MTHFD1L: variants seen among roughly 807,000 people sequenced by gnomAD.
MTHFD1L encodes the protein methylenetetrahydrofolate dehydrogenase (NADP+ dependent) 1 like, also known as monofunctional C1-tetrahydrofolate synthase, mitochondrial.
In MTHFD1L, 81 loss-of-function variants were observed where a neutral mutation model predicts 119.5. The ratio of observed to expected loss-of-function variants is 0.68; its 90% CI spans 0.57 to 0.82. The LOEUF (loss-of-function observed/expected upper bound fraction) is 0.82, where lower values mean the gene tolerates loss of function less well. Ranked by LOEUF, MTHFD1L falls within the 40% of genes least tolerant of loss-of-function variation. The pLI is 0.00. For synonymous variants in MTHFD1L, 430 were observed against 475.2 expected, an observed-to-expected ratio of 0.90 and a Z score of 1.24; for missense variants, 1,125 against 1,253.4, an observed-to-expected ratio of 0.90 and a Z score of 1.55.
At position 150,903,208 on chromosome 6, in the gene MTHFD1L, T is replaced by C. The variant is rs1428039678; in HGVS notation, c.781-2442T>C. Among the ~76,000 whole-genome samples, 114 of 104,236 alleles carry C rather than the reference T, an allele frequency of 1.1e-3. 9 individuals carry two copies. Among genetic ancestry groups the C allele is most frequent in the East Asian group, 4.0e-3 (16 of 4,016 alleles). The allele number at this position is 104,236 out of a possible 152,430, so 68.4% of individuals were successfully genotyped here. ...CTGGTGATATTGGCTGCAAAATTTT[T>C]TTTTTTTTTTTTTTTTTTTTTTTTT... On this transcript the variant is annotated intron_variant, in intron 7 of 27. Coordinates refer to ENST00000367321, the MANE Select transcript of MTHFD1L (RefSeq NM_015440.5).
At chr6:151,099,416 C>G in intron 27 of MTHFD1L, 1 of 742,312 alleles carries the variant, frequency 1.3e-6, no homozygotes, top group Non-Finnish European at 2.3e-6. Context: ...ATACCAGAGC[C>G]ACTACAGTGA....
chr6:150,958,620 T>C (rs1387018168), intron 17 of MTHFD1L, among the ~76,000 whole-genome samples: 1 of 152,202 alleles, frequency 6.6e-6, no homozygotes, highest in Admixed American at 6.5e-5. Flanking sequence ...ATTGCATACC[T>C]GTATCAGAAT....
intron 16 of MTHFD1L, among the ~76,000 whole-genome samples, chr6:150,951,871 A>G (rs1794925611): frequency 6.6e-6 from 1 of 152,082 alleles, no homozygotes; most frequent in Non-Finnish European, 1.5e-5. Context: ...TAGGAAAATC[A>G]GGAAGGTGGA....
At chr6:151,093,731 C>G (rs1018668266) in intron 27 of MTHFD1L, among the ~76,000 whole-genome samples, 1 of 148,206 alleles carries the variant, frequency 6.7e-6, no homozygotes, top group African/African-American at 2.6e-5. Context: ...ACAGTTCAAC[C>G]CAGAACACTC....
At chr6:151,040,050 G>A (rs1375493365) in intron 26 of MTHFD1L, among the ~76,000 whole-genome samples, 5 of 152,196 alleles carry the variant, frequency 3.3e-5, no homozygotes, top group Non-Finnish European at 7.3e-5. Context: ...GAGGGCGGCT[G>A]GACAGTGCAG....
chr6:150,873,026 G>A (rs1448393265), intron 1 of MTHFD1L, among the ~76,000 whole-genome samples: 1 of 151,952 alleles, frequency 6.6e-6, no homozygotes. Context: ...CTATAGAAGT[G>A]TTCCTTTCAG....
intron 27 of MTHFD1L, among the ~76,000 whole-genome samples, chr6:151,097,405 T>TTTCC (rs1183178846): frequency 1.3e-5 from 2 of 151,974 alleles, no homozygotes; most frequent in African/African-American, 4.8e-5. Flanking sequence ...GTATAGAGAG[T>TTTCC]GGAATACTAC....
chr6:150,866,506 G>C (rs1323075927), intron 1 of MTHFD1L: 5 of 1,298,630 alleles, frequency 3.9e-6, no homozygotes, highest in East Asian at 3.2e-5. Flanking sequence ...AGCGGAGCTC[G>C]GGAGAGGCGG....
At chr6:150,962,143 C>T (rs2129001150) in intron 18 of MTHFD1L, among the ~76,000 whole-genome samples, 1 of 152,206 alleles carries the variant, frequency 6.6e-6, no homozygotes, top group South Asian at 2.1e-4. Flanking sequence ...GTGCCCACTG[C>T]CACACCCGGC....
chr6:150,927,354 A>G (rs1256201812), intron 11 of MTHFD1L, among the ~76,000 whole-genome samples: 3 of 151,848 alleles, frequency 2.0e-5, no homozygotes, highest in Admixed American at 6.6e-5. Flanking sequence ...CAACCTGATT[A>G]TTCAAGCATA....
chr6:150,938,645 C>A (rs1026948289), intron 12 of MTHFD1L, 54 bp from the exon 13 acceptor site: 3 of 1,575,100 alleles, frequency 1.9e-6, no homozygotes, highest in East Asian at 4.6e-5. Context: ...CTGTGTCCAT[C>A]GTGGCAGCTG....
intron 11 of MTHFD1L, among the ~76,000 whole-genome samples, chr6:150,927,403 A>G (rs912603613): frequency 6.6e-6 from 1 of 150,714 alleles, no homozygotes; most frequent in East Asian, 2.0e-4. Flanking sequence ...ATATTGAGCT[A>G]TGTCACCATT....
chr6:150,941,611 G>C (rs1793128873), intron 13 of MTHFD1L, among the ~76,000 whole-genome samples: 1 of 152,136 alleles, frequency 6.6e-6, no homozygotes, highest in African/African-American at 2.4e-5. Context: ...TTTGTTTGCT[G>C]ATGTTTGCAG....
At chr6:150,986,002 C>T (rs1778255421) in intron 20 of MTHFD1L, among the ~76,000 whole-genome samples, 1 of 152,100 alleles carries the variant, frequency 6.6e-6, no homozygotes, top group Non-Finnish European at 1.5e-5. Flanking sequence ...CTCTTGGTGC[C>T]AAAAGGGATG....
At chr6:151,040,979 G>C (rs1158348153) in intron 26 of MTHFD1L, among the ~76,000 whole-genome samples, 1 of 152,216 alleles carries the variant, frequency 6.6e-6, no homozygotes, top group Non-Finnish European at 1.5e-5. Context: ...CAGCTCCCTG[G>C]TTTCCTGAAG....
At position 151,008,506 on chromosome 6, in the gene MTHFD1L, A is replaced by G. The variant is rs530124556; in HGVS notation, c.2126-1313A>G. Reference sequence around the variant, plus strand: ...AACTTTGTGGGGAGCCCAAGATTCCACATGTCTTAGAGGCTCTCAGATACT... The same window carrying G: ...AACTTTGTGGGGAGCCCAAGATTCCGCATGTCTTAGAGGCTCTCAGATACT... On this transcript the variant is annotated intron_variant, in intron 20 of 27. Coordinates refer to ENST00000367321, the MANE Select transcript of MTHFD1L (RefSeq NM_015440.5). 4.2e-5 allele frequency among the ~76,000 whole-genome samples: 6 copies of G among 143,046 alleles called. No homozygotes were observed. The East Asian group carries it at 1.2e-3, about 28-fold the overall frequency. 93.8% of individuals were successfully genotyped at this position (143,046 alleles called of 152,430 possible).
intron 16 of MTHFD1L, among the ~76,000 whole-genome samples, chr6:150,952,722 G>A (rs1418176963): frequency 6.6e-6 from 1 of 152,116 alleles, no homozygotes. Context: ...TAGAGACGGG[G>A]TTTCATCGTG....
chr6:150,954,171 A>G (rs1428227712), intron 16 of MTHFD1L, among the ~76,000 whole-genome samples: 1 of 152,216 alleles, frequency 6.6e-6, no homozygotes, highest in Admixed American at 6.5e-5. Flanking sequence ...ACGGATGCCT[A>G]TAGTACCAAA....
At chr6:150,994,018 A>G (rs542585810) in intron 20 of MTHFD1L, among the ~76,000 whole-genome samples, 29 of 150,130 alleles carry the variant, frequency 1.9e-4, no homozygotes, top group Non-Finnish European at 3.4e-4. Flanking sequence ...CTGTATTTGC[A>G]AATGAGTCAG....
Sources: gnomAD v4.1 joint callset for allele counts (sites outside exome capture counted in the v4.1 genomes callset) on GRCh38, gnomAD v4.1.1 for gene constraint, MANE v1.5 for transcripts, NCBI Gene and HGNC (gene_info 2026-07-23, HGNC 2026-07-21) for gene names.